Variants in SGIP1 observed in about 807,000 individuals in gnomAD.
The protein encoded by SGIP1 is SH3-containing GRB2-like protein 3-interacting protein 1.
SGIP1 carries 38 observed loss-of-function variants against 107.5 expected under a neutral mutation model. The observed-to-expected ratio is 0.35, with a 90% confidence interval of 0.27 to 0.46. SGIP1 has a LOEUF of 0.46. Among genes scored for constraint, SGIP1 ranks in the 20% least tolerant of loss-of-function variants. The pLI is 1.00. For synonymous variants in SGIP1, 365 were observed against 366.1 expected (o/e 1.00, Z 0.03); for missense variants, 929 against 1,019.5 (o/e 0.91, Z 1.21).
intron 8 of SGIP1, among the ~76,000 whole-genome samples, chr1:66,664,021 T>C (rs956026360): frequency 2.0e-5 from 3 of 152,196 alleles, no homozygotes; most frequent in African/African-American, 4.8e-5. Flanking sequence ...TTTCTCATAA[T>C]TTCATCTTGG....
At chr1:66,723,878 A>G (rs1557759872) in intron 19 of SGIP1, among the ~76,000 whole-genome samples, 1 of 152,220 alleles carries the variant, frequency 6.6e-6, no homozygotes, top group Non-Finnish European at 1.5e-5. Flanking sequence ...AATTTCCTAG[A>G]AAAAGATCTG....
intron 1 of SGIP1, among the ~76,000 whole-genome samples, chr1:66,559,362 C>T (rs1054429929): frequency 5.3e-5 from 8 of 152,032 alleles, no homozygotes; most frequent in East Asian, 3.9e-4. Flanking sequence ...ACTACTTTTC[C>T]TATAAGTAGC....
chr1:66,638,924 A>G (rs2076280856), intron 4 of SGIP1, among the ~76,000 whole-genome samples: 1 of 152,198 alleles, frequency 6.6e-6, no homozygotes, highest in African/African-American at 2.4e-5. Flanking sequence ...AAATATAAGA[A>G]TGTTGAATGA....
At chr1:66,710,646 C>T (rs2092853287) in intron 18 of SGIP1, among the ~76,000 whole-genome samples, 1 of 152,174 alleles carries the variant, frequency 6.6e-6, no homozygotes, top group Non-Finnish European at 1.5e-5. Flanking sequence ...TTCCCATAAA[C>T]ATCTGGTCAT....
chr1:66,552,224 G>T (rs909012217), intron 1 of SGIP1, among the ~76,000 whole-genome samples: 6 of 152,132 alleles, frequency 3.9e-5, no homozygotes, highest in African/African-American at 1.2e-4. Context: ...GGAGCTGCTT[G>T]ATCACTTCTC....
intron 18 of SGIP1, among the ~76,000 whole-genome samples, chr1:66,697,531 T>A (rs2091158076): frequency 6.6e-6 from 1 of 152,230 alleles, no homozygotes; most frequent in South Asian, 2.1e-4. Context: ...ATATCATGAA[T>A]GTTGGTGTCA....
chr1:66,696,574 T>C (rs1178592971), intron 18 of SGIP1, among the ~76,000 whole-genome samples: 4 of 152,214 alleles, frequency 2.6e-5, no homozygotes, highest in Non-Finnish European at 5.9e-5. Flanking sequence ...CAATAAATTT[T>C]GCTTGCAAGA....
intron 1 of SGIP1, among the ~76,000 whole-genome samples, chr1:66,576,932 G>A (rs970431141): frequency 1.1e-4 from 16 of 152,172 alleles, no homozygotes; most frequent in African/African-American, 3.9e-4. Context: ...GCTCAGGGTG[G>A]CAGCTTCAGC....
chr1:66,619,630 G>A (rs2070408627), intron 1 of SGIP1, among the ~76,000 whole-genome samples: 2 of 152,222 alleles, frequency 1.3e-5, no homozygotes, highest in Admixed American at 1.3e-4. Flanking sequence ...TTACCAGCTA[G>A]CAATGGAATG....
chr1:66,723,146 G>A (rs7515848), intron 19 of SGIP1, among the ~76,000 whole-genome samples: 24,633 of 151,996 alleles, frequency 0.16, 2,188 homozygotes, highest in Middle Eastern at 0.2. Context: ...CACTTTCAAG[G>A]AAACAACTCA....
chr1:66,588,310 C>G (rs72676197), intron 1 of SGIP1, among the ~76,000 whole-genome samples: 18,678 of 151,968 alleles, frequency 0.12, 1,182 homozygotes, highest in South Asian at 0.14. Context: ...CCCAAGTTGC[C>G]CCTGACTCAC....
At chr1:66,548,667 G>A (rs1196805248) in intron 1 of SGIP1, among the ~76,000 whole-genome samples, 1 of 152,048 alleles carries the variant, frequency 6.6e-6, no homozygotes, top group East Asian at 1.9e-4. Context: ...TTCTCTCTAG[G>A]CCAGATCAGA....
intron 13 of SGIP1, among the ~76,000 whole-genome samples, chr1:66,678,689 G>A (rs1042176958): frequency 1.3e-5 from 2 of 152,078 alleles, no homozygotes; most frequent in South Asian, 2.1e-4. Context: ...AGAACAGGAT[G>A]CTACCTAAAA....
intron 7 of SGIP1, among the ~76,000 whole-genome samples, chr1:66,648,268 A>G (rs1269937765): frequency 6.6e-6 from 1 of 152,184 alleles, no homozygotes; most frequent in East Asian, 1.9e-4. Flanking sequence ...CCCTCCCAGC[A>G]ACTGGTGCAA....
chr1:66,626,259 C>T (rs985387010), intron 2 of SGIP1, among the ~76,000 whole-genome samples: 2 of 148,648 alleles, frequency 1.3e-5, no homozygotes, highest in African/African-American at 2.5e-5. Flanking sequence ...GTTGACCTTA[C>T]AATCTGAACT....
intron 1 of SGIP1, among the ~76,000 whole-genome samples, chr1:66,612,940 T>A (rs906683129): frequency 1.3e-5 from 2 of 152,186 alleles, no homozygotes; most frequent in Non-Finnish European, 2.9e-5. Flanking sequence ...AACTAGAAAA[T>A]TTTTAAGAGT....
intron 1 of SGIP1, among the ~76,000 whole-genome samples, chr1:66,558,460 A>G (rs1251218160): frequency 1.3e-5 from 2 of 151,976 alleles, no homozygotes; most frequent in African/African-American, 4.8e-5. Flanking sequence ...TGAGTATATT[A>G]GACTATATAT....
chr1:66,592,864 C>T (rs1307579011), intron 1 of SGIP1, among the ~76,000 whole-genome samples: 2 of 133,624 alleles, frequency 1.5e-5, no homozygotes, highest in Admixed American at 7.1e-5. Flanking sequence ...CCTTTCCTTC[C>T]TTCCTTTCTT....
In SGIP1 at chr1:66,542,854, G is replaced by A. The variant is rs143954571; in HGVS notation, c.10+8486G>A. Reference sequence around the variant, plus strand: ...GACACTCAAGGTGACCTCCTTACTAGTGGCAGAACCAGCACTTATCAGCCA... The same window carrying A: ...GACACTCAAGGTGACCTCCTTACTAATGGCAGAACCAGCACTTATCAGCCA... On this transcript the variant is annotated intron_variant, in intron 1 of 24. Coordinates refer to ENST00000371037, the MANE Select transcript of SGIP1 (RefSeq NM_032291.4). Among the ~76,000 whole-genome samples the A allele has an allele frequency of 3.3e-5, 5 of 152,302 alleles. No individual in the cohort carries two copies. The East Asian group carries it at 9.6e-4, about 29-fold the overall frequency.
Sources: allele counts gnomAD v4.1 joint callset (sites outside exome capture counted in the v4.1 genomes callset), GRCh38; gene constraint gnomAD v4.1.1; transcripts MANE v1.5; gene names NCBI Gene and HGNC (gene_info 2026-07-23, HGNC 2026-07-21).